The following THSD4 variants were observed in gnomAD, a reference collection of about 807,000 sequenced individuals.
THSD4 encodes thrombospondin type-1 domain-containing protein 4.
In THSD4, 69 loss-of-function variants were observed where a neutral mutation model predicts 119.0. The observed-to-expected ratio is 0.58, with a 90% CI of 0.48 to 0.71. THSD4 has a LOEUF of 0.71. Ranked by LOEUF, THSD4 falls within the 30% of genes least tolerant of loss-of-function variation. The pLI is 0.00. For missense variants in THSD4, 1,393 were observed against 1,391.1 expected, an observed-to-expected ratio of 1.00 and a Z score of -0.02; for synonymous variants, 524 against 540.4, an observed-to-expected ratio of 0.97 and a Z score of 0.42.
chr15:71,136,812 G>C lies in THSD4; in HGVS notation c.-79-4637G>C, dbSNP rs1288167254. On this transcript the variant is annotated intron_variant, in intron 1 of 17. Transcript: ENST00000261862. Reference sequence around the variant, plus strand: ...AGGAGTTCTGGTCAGGCCCTGAGGAGAAGGGGCAGGAAGGATACTCAGAGG... The same window carrying C: ...AGGAGTTCTGGTCAGGCCCTGAGGACAAGGGGCAGGAAGGATACTCAGAGG... Among the ~76,000 whole-genome samples the C allele has an allele frequency of 2.6e-5, 4 of 152,168 alleles. No homozygotes were observed. In the East Asian group the frequency reaches 7.7e-4, roughly 29 times the overall value.
At chr15:71,297,731 C>A (rs1372608971) in intron 6 of THSD4, among the ~76,000 whole-genome samples, 1 of 152,170 alleles carries the variant, frequency 6.6e-6, no homozygotes, top group Non-Finnish European at 1.5e-5. Flanking sequence ...ACCTCAGCCT[C>A]TCAAGTAGCT....
intron 6 of THSD4, among the ~76,000 whole-genome samples, chr15:71,343,584 C>G (rs1320037103): frequency 6.6e-6 from 1 of 152,106 alleles, no homozygotes; most frequent in African/African-American, 2.4e-5. Context: ...TTGCTCAAGC[C>G]TCTGTCTTTG....
intron 2 of THSD4, among the ~76,000 whole-genome samples, chr15:71,142,547 C>A (rs1327943680): frequency 6.6e-6 from 1 of 152,032 alleles, no homozygotes; most frequent in Non-Finnish European, 1.5e-5. Context: ...GAGATCAATG[C>A]ATTAATTTTG....
intron 8 of THSD4, among the ~76,000 whole-genome samples, chr15:71,663,077 C>A (rs543936915): frequency 6.6e-6 from 1 of 151,918 alleles, no homozygotes; most frequent in South Asian, 2.1e-4. Flanking sequence ...CAAGTGAGAC[C>A]CCATCTCTAC....
At chr15:71,198,963 T>TGG (rs1857400852) in intron 3 of THSD4, among the ~76,000 whole-genome samples, 1 of 152,254 alleles carries the variant, frequency 6.6e-6, no homozygotes, top group African/African-American at 2.4e-5. Flanking sequence ...TTTAGTCAAC[T>TGG]GGCTTAAGAA....
intron 6 of THSD4, among the ~76,000 whole-genome samples, chr15:71,298,451 C>T (rs552407375): frequency 2.2e-4 from 34 of 152,112 alleles, no homozygotes; most frequent in South Asian, 6.2e-4. Context: ...GCTACTAGAC[C>T]GGGGTATCAG....
intron 7 of THSD4, among the ~76,000 whole-genome samples, chr15:71,642,920 T>C (rs1482241903): frequency 1.3e-5 from 2 of 152,130 alleles, no homozygotes; most frequent in African/African-American, 4.8e-5. Context: ...CTGCACATTG[T>C]GCACATGTGC....
intron 6 of THSD4, among the ~76,000 whole-genome samples, chr15:71,370,934 A>C (rs1257987493): frequency 1.3e-5 from 2 of 152,182 alleles, no homozygotes; most frequent in East Asian, 1.9e-4. Context: ...GTAAGTCTCT[A>C]AGGACTTGCT....
At chr15:71,275,067 GTGT>G (rs2044574796) in intron 6 of THSD4, among the ~76,000 whole-genome samples, 1 of 152,022 alleles carries the variant, frequency 6.6e-6, no homozygotes, top group Non-Finnish European at 1.5e-5. Context: ...GCTGGTCGGG[GTGT>G]CAGTATTCTA....
At chr15:71,434,414 CAA>C (rs1324527205) in intron 7 of THSD4, among the ~76,000 whole-genome samples, 2 of 90,706 alleles carry the variant, frequency 2.2e-5, no homozygotes, top group Admixed American at 2.3e-4. Flanking sequence ...AATCCCAAAA[CAA>C]AAAGAGGTCA....
At chr15:71,706,018 G>A (rs182014598) in intron 8 of THSD4, among the ~76,000 whole-genome samples, 1 of 152,168 alleles carries the variant, frequency 6.6e-6, no homozygotes, top group Non-Finnish European at 1.5e-5. Context: ...ATTGCATCTA[G>A]AGAATCATAA....
intron 7 of THSD4, among the ~76,000 whole-genome samples, chr15:71,659,935 CT>C (rs2051268248): frequency 6.6e-6 from 1 of 152,124 alleles, no homozygotes; most frequent in African/African-American, 2.4e-5. Flanking sequence ...ATGATTCTGG[CT>C]CTTGCTTACC....
chr15:71,684,564 T>A (rs2051867198), intron 8 of THSD4, among the ~76,000 whole-genome samples: 1 of 152,046 alleles, frequency 6.6e-6, no homozygotes, highest in Non-Finnish European at 1.5e-5. Flanking sequence ...TTTTGGCACC[T>A]ACTTACGTTA....
At chr15:71,444,878 A>C (rs932041778) in intron 7 of THSD4, among the ~76,000 whole-genome samples, 1 of 152,124 alleles carries the variant, frequency 6.6e-6, no homozygotes, top group African/African-American at 2.4e-5. Context: ...AGGGATTCTA[A>C]AATATAAATT....
intron 3 of THSD4, among the ~76,000 whole-genome samples, chr15:71,173,567 CAT>C (rs57882308): frequency 0.02 from 2,869 of 145,804 alleles, 59 homozygotes; most frequent in African/African-American, 0.051. Flanking sequence ...CACACACACA[CAT>C]ATATATATAT....
At chr15:71,608,253 C>T (rs28526096) in intron 7 of THSD4, among the ~76,000 whole-genome samples, 1,050 of 94,532 alleles carry the variant, frequency 0.011, 18 homozygotes, top group African/African-American at 0.028. Context: ...TATATATACA[C>T]ACACACACAC....
intron 7 of THSD4, among the ~76,000 whole-genome samples, chr15:71,444,711 C>T (rs2047155608): frequency 6.6e-6 from 1 of 152,190 alleles, no homozygotes; most frequent in Admixed American, 6.5e-5. Flanking sequence ...TTCATTCCCA[C>T]CTCTCCATGA....
intron 6 of THSD4, among the ~76,000 whole-genome samples, chr15:71,301,686 T>A (rs2140338179): frequency 6.6e-6 from 1 of 152,374 alleles, no homozygotes; most frequent in African/African-American, 2.4e-5. Context: ...AATTTATTTT[T>A]AAAAAATAAT....
At chr15:71,674,504 C>G (rs1453172262) in intron 8 of THSD4, among the ~76,000 whole-genome samples, 1 of 152,184 alleles carries the variant, frequency 6.6e-6, no homozygotes, top group African/African-American at 2.4e-5. Context: ...ACATTGCACT[C>G]ATGGGAGGCA....
Sources: gnomAD v4.1 joint callset for allele counts (sites outside exome capture counted in the v4.1 genomes callset) on GRCh38, gnomAD v4.1.1 for gene constraint, MANE v1.5 for transcripts, NCBI Gene and HGNC (gene_info 2026-07-23, HGNC 2026-07-21) for gene names.